COL21A1: variants seen among roughly 807,000 people sequenced by gnomAD.
COL21A1 encodes collagen type XXI alpha 1 chain, also known as collagen alpha-1(XXI) chain.
In COL21A1, 149 loss-of-function variants were observed where a neutral mutation model predicts 137.9. The observed-to-expected ratio is 1.08, with a 90% confidence interval of 0.95 to 1.24. The LOEUF (loss-of-function observed/expected upper bound fraction) is 1.24, where lower values mean the gene tolerates loss of function less well. COL21A1 is among the 50% of genes most tolerant of loss of function. The pLI, the probability that COL21A1 is intolerant of heterozygous loss-of-function variation, is 0.00. For synonymous variants in COL21A1, 456 were observed against 391.5 expected (o/e 1.16, Z -1.95); for missense variants, 1,167 against 1,158.4 (o/e 1.01, Z -0.11).
intron 1 of COL21A1, among the ~76,000 whole-genome samples, chr6:56,222,895 G>A (rs577073817): frequency 5.9e-5 from 9 of 152,132 alleles, no homozygotes; most frequent in Non-Finnish European, 1.2e-4. Context: ...AGGGTGAGTG[G>A]ATTAATCTAT....
chr6:56,364,222 C>A (rs747290265), intron 1 of COL21A1, among the ~76,000 whole-genome samples: 1 of 152,020 alleles, frequency 6.6e-6, no homozygotes, highest in Non-Finnish European at 1.5e-5. Flanking sequence ...AGGGAACCAT[C>A]GAGACAGTAC....
chr6:56,117,723 T>C (rs1387294830), intron 16 of COL21A1, among the ~76,000 whole-genome samples: 1 of 152,028 alleles, frequency 6.6e-6, no homozygotes, highest in Non-Finnish European at 1.5e-5. Context: ...AATGGAATAA[T>C]ATCAAGCATC....
intron 1 of COL21A1, among the ~76,000 whole-genome samples, chr6:56,262,319 G>A (rs543639827): frequency 1.8e-4 from 28 of 152,210 alleles, no homozygotes; most frequent in African/African-American, 6.0e-4. Flanking sequence ...CACAATAACA[G>A]TAGCTAGCTA....
At chr6:56,115,884 A>G (rs2152197349) in intron 16 of COL21A1, among the ~76,000 whole-genome samples, 1 of 152,260 alleles carries the variant, frequency 6.6e-6, no homozygotes, top group East Asian at 1.9e-4. Context: ...CAATTAGCAT[A>G]CTGAACAATG....
At chr6:56,300,583 C>T (rs756452612) in intron 1 of COL21A1, among the ~76,000 whole-genome samples, 27 of 151,964 alleles carry the variant, frequency 1.8e-4, no homozygotes, top group Non-Finnish European at 3.4e-4. Flanking sequence ...GTCATAGTGG[C>T]CTTGTGAAAT....
At chr6:56,212,136 T>C (rs76840011) in intron 1 of COL21A1, among the ~76,000 whole-genome samples, 1,849 of 152,126 alleles carry the variant, frequency 0.012, 31 homozygotes, top group African/African-American at 0.041. Flanking sequence ...TATATTCAAA[T>C]TGTATATGTA....
intron 17 of COL21A1, among the ~76,000 whole-genome samples, chr6:56,097,636 G>T (rs1309509857): frequency 6.7e-6 from 1 of 150,068 alleles, no homozygotes; most frequent in African/African-American, 2.5e-5. Context: ...CTTGAATAAA[G>T]TGGGAGCAGG....
intron 1 of COL21A1, among the ~76,000 whole-genome samples, chr6:56,239,868 C>T (rs149492808): frequency 9.2e-5 from 14 of 152,228 alleles, no homozygotes; most frequent in African/African-American, 3.1e-4. Context: ...GGGATTAAAG[C>T]CTGGTATGGT....
intron 1 of COL21A1, among the ~76,000 whole-genome samples, chr6:56,202,238 T>C (rs186316912): frequency 1.6e-4 from 25 of 152,296 alleles, no homozygotes; most frequent in African/African-American, 5.3e-4. Flanking sequence ...AAAGGCATCA[T>C]AGATGTGTCA....
intron 1 of COL21A1, among the ~76,000 whole-genome samples, chr6:56,362,085 C>T (rs188014838): frequency 2.0e-5 from 3 of 152,268 alleles, no homozygotes; most frequent in South Asian, 2.1e-4. Context: ...ACCCCCGACC[C>T]GTCCACCATC....
intron 3 of COL21A1, among the ~76,000 whole-genome samples, chr6:56,174,395 G>GA (rs1343794975): frequency 6.6e-6 from 1 of 151,726 alleles, no homozygotes; most frequent in Non-Finnish European, 1.5e-5. Flanking sequence ...TGCTTTTTTG[G>GA]AAAAATCAAC....
chr6:56,121,037 A>G (rs1772456974), intron 16 of COL21A1, among the ~76,000 whole-genome samples: 4 of 152,188 alleles, frequency 2.6e-5, no homozygotes, highest in African/African-American at 7.2e-5. Flanking sequence ...ATAAAAATCA[A>G]TGAGATCCAG....
chr6:56,125,780 G>A (rs1465346479), intron 13 of COL21A1, among the ~76,000 whole-genome samples, 160 bp from the exon 14 acceptor site: 2 of 151,678 alleles, frequency 1.3e-5, no homozygotes, highest in Non-Finnish European at 2.9e-5. Context: ...CTCATTTCCA[G>A]GCTTTATAAA....
At chr6:56,324,051 G>C (rs915943002) in intron 1 of COL21A1, among the ~76,000 whole-genome samples, 1 of 151,970 alleles carries the variant, frequency 6.6e-6, no homozygotes, top group African/African-American at 2.4e-5. Context: ...TTGTGCTCTT[G>C]GGTTGGAGGT....
intron 16 of COL21A1, among the ~76,000 whole-genome samples, chr6:56,117,949 G>C (rs1015423142): frequency 1.3e-5 from 2 of 151,836 alleles, no homozygotes; most frequent in Non-Finnish European, 1.5e-5. Context: ...TAAGATGGAA[G>C]TTTATAGCTC....
chr6:56,097,271 C>G (rs559164714), intron 17 of COL21A1, among the ~76,000 whole-genome samples: 3 of 152,112 alleles, frequency 2.0e-5, no homozygotes, highest in South Asian at 4.1e-4. Context: ...GAGTCTCACT[C>G]AGTAACTCCC....
chr6:56,334,784 G>A (rs988532936), intron 1 of COL21A1, among the ~76,000 whole-genome samples: 7 of 152,186 alleles, frequency 4.6e-5, no homozygotes, highest in Non-Finnish European at 1.0e-4. Context: ...GCCATCATAA[G>A]TGGATGAAGC....
chr6:56,277,827 G>A (rs547710350), intron 1 of COL21A1, among the ~76,000 whole-genome samples: 1 of 152,170 alleles, frequency 6.6e-6, no homozygotes, highest in African/African-American at 2.4e-5. Flanking sequence ...GAGACAGAAA[G>A]GTGGTTATTA....
At chr6:56,079,558 C>A (rs1187492869) in intron 17 of COL21A1, among the ~76,000 whole-genome samples, 1 of 151,482 alleles carries the variant, frequency 6.6e-6, no homozygotes, top group Non-Finnish European at 1.5e-5. Context: ...CTTGAGAGCC[C>A]ATTTCCCCAC....
Sources: gnomAD v4.1 joint callset for allele counts (sites outside exome capture counted in the v4.1 genomes callset) on GRCh38, gnomAD v4.1.1 for gene constraint, MANE v1.5 for transcripts, NCBI Gene and HGNC (gene_info 2026-07-23, HGNC 2026-07-21) for gene names.